The following BNC2 variants were observed in gnomAD, a reference collection of about 807,000 sequenced individuals.
The protein encoded by BNC2 is basonuclin zinc finger protein 2.
Under a neutral mutation model 76.3 loss-of-function variants are expected in BNC2, and 20 were observed. The ratio of observed to expected loss-of-function variants is 0.26; its 90% confidence interval spans 0.18 to 0.38. The LOEUF (loss-of-function observed/expected upper bound fraction) is 0.38. Ranked by LOEUF, BNC2 falls within the 10% of genes least tolerant of loss-of-function variation. The probability of loss-of-function intolerance (pLI) is 1.00; values close to 1 mark genes in which losing one functional copy is unlikely to be tolerated. For missense variants in BNC2, 1,382 were observed against 1,399.8 expected, an observed-to-expected ratio of 0.99 and a Z score of 0.20; for synonymous variants, 582 against 514.8, an observed-to-expected ratio of 1.13 and a Z score of -1.77.
chr9:16,594,931 A>T (rs1820025066), intron 3 of BNC2, among the ~76,000 whole-genome samples: 1 of 152,102 alleles, frequency 6.6e-6, no homozygotes, highest in African/African-American at 2.4e-5. Flanking sequence ...CAAATAGGAG[A>T]TGTGAACAAA....
intron 5 of BNC2, among the ~76,000 whole-genome samples, chr9:16,482,404 C>T (rs1050464220): frequency 6.6e-6 from 1 of 151,756 alleles, no homozygotes; most frequent in Non-Finnish European, 1.5e-5. Context: ...TGTTGGGAAA[C>T]CTTTAAAAAA....
chr9:16,635,950 T>C (rs971740891), intron 3 of BNC2, among the ~76,000 whole-genome samples: 4 of 152,218 alleles, frequency 2.6e-5, no homozygotes, highest in Non-Finnish European at 2.9e-5. Context: ...TAAGGGAATG[T>C]GTAGAACAGG....
In BNC2 at chr9:16,550,956, T is replaced by C. The variant is rs1563835389; in HGVS notation, c.669+1574A>G. 2.0e-5 allele frequency among the ~76,000 whole-genome samples: 3 copies of C among 152,146 alleles called. No homozygotes were observed. The South Asian group carries it at 6.2e-4, about 32-fold the overall frequency. On this transcript the variant is annotated intron_variant, in intron 5 of 6. Transcript: ENST00000380672. Reference sequence around the variant, plus strand: ...AGAAAGACGCAGCACTGTATGCATCTTGGGGCCAGTATAAGCAGGGATTGT... The same window carrying C: ...AGAAAGACGCAGCACTGTATGCATCCTGGGGCCAGTATAAGCAGGGATTGT...
chr9:16,659,470 T>C (rs1822040190), intron 3 of BNC2, among the ~76,000 whole-genome samples: 1 of 152,046 alleles, frequency 6.6e-6, no homozygotes, highest in Admixed American at 6.6e-5. Flanking sequence ...TAGCTGTGTG[T>C]GGTGGTGCAT....
chr9:16,758,529 C>T (rs1489656149), intron 1 of BNC2, among the ~76,000 whole-genome samples: 1 of 152,112 alleles, frequency 6.6e-6, no homozygotes, highest in Non-Finnish European at 1.5e-5. Flanking sequence ...CAGGGTTTCA[C>T]CGTATTGGCC....
At chr9:16,813,236 A>G (rs780064689) in intron 1 of BNC2, among the ~76,000 whole-genome samples, 5 of 151,398 alleles carry the variant, frequency 3.3e-5, no homozygotes, top group Non-Finnish European at 7.4e-5. Context: ...TACCCACAAC[A>G]TTACCATAAC....
At chr9:16,459,095 A>G (rs928534792) in intron 5 of BNC2, among the ~76,000 whole-genome samples, 1 of 152,270 alleles carries the variant, frequency 6.6e-6, no homozygotes, top group African/African-American at 2.4e-5. Context: ...GGGAAAAAAG[A>G]AACAATTATA....
At chr9:16,422,057 T>C (rs1238385407) in intron 6 of BNC2, among the ~76,000 whole-genome samples, 3 of 152,132 alleles carry the variant, frequency 2.0e-5, no homozygotes, top group Admixed American at 2.0e-4. Flanking sequence ...AAATTAACAT[T>C]GAGAAAAGGA....
chr9:16,760,030 G>A (rs1563930468), intron 1 of BNC2, among the ~76,000 whole-genome samples: 1 of 152,158 alleles, frequency 6.6e-6, no homozygotes, highest in Non-Finnish European at 1.5e-5. Flanking sequence ...GCCAGAGACA[G>A]AAACTCTTAC....
intron 4 of BNC2, among the ~76,000 whole-genome samples, chr9:16,562,525 C>T (rs968088071): frequency 3.9e-5 from 6 of 152,144 alleles, no homozygotes; most frequent in Admixed American, 1.3e-4. Context: ...CCTACATAAT[C>T]AAATAATAGC....
At chr9:16,669,242 T>TA (rs1822400158) in intron 3 of BNC2, among the ~76,000 whole-genome samples, 1 of 152,122 alleles carries the variant, frequency 6.6e-6, no homozygotes, top group African/African-American at 2.4e-5. Flanking sequence ...AACCACAAGA[T>TA]AAAAAATTGT....
intron 1 of BNC2, among the ~76,000 whole-genome samples, chr9:16,840,298 C>G (rs539359950): frequency 1.3e-5 from 2 of 152,264 alleles, no homozygotes; most frequent in East Asian, 3.9e-4. Context: ...ATTTTGGCAG[C>G]CACATACGCT....
chr9:16,659,761 CTTTTCTTGGCCACACGA>C (rs1346301600), intron 3 of BNC2, among the ~76,000 whole-genome samples: 3 of 152,146 alleles, frequency 2.0e-5, no homozygotes, highest in African/African-American at 7.2e-5. Context: ...CTCAGCGTTG[CTTTTCTTGGCCACACGA>C]TGTAAAATAA....
intron 5 of BNC2, among the ~76,000 whole-genome samples, chr9:16,467,429 A>G (rs1821717217): frequency 6.8e-6 from 1 of 147,180 alleles, no homozygotes; most frequent in African/African-American, 2.6e-5. Context: ...CTTGGAACCA[A>G]CCCAAATGTC....
chr9:16,741,987 A>C (rs924658689), intron 1 of BNC2, among the ~76,000 whole-genome samples: 1 of 150,620 alleles, frequency 6.6e-6, no homozygotes, highest in African/African-American at 2.4e-5. Flanking sequence ...AAAGACAACA[A>C]CACGTATACC....
At chr9:16,532,471 A>G (rs553923622) in intron 5 of BNC2, among the ~76,000 whole-genome samples, 52 of 152,222 alleles carry the variant, frequency 3.4e-4, no homozygotes, top group Middle Eastern at 6.8e-3. Context: ...TACAATAGAC[A>G]CTGACCACAA....
chr9:16,823,606 A>G (rs911911919), intron 1 of BNC2, among the ~76,000 whole-genome samples: 2 of 151,916 alleles, frequency 1.3e-5, no homozygotes, highest in African/African-American at 4.8e-5. Context: ...CTGTTTCAAA[A>G]AAAAAAAAAA....
intron 3 of BNC2, among the ~76,000 whole-genome samples, chr9:16,630,865 G>C (rs1029030750): frequency 2.0e-5 from 3 of 151,538 alleles, no homozygotes; most frequent in Admixed American, 6.6e-5. Context: ...TCAGCCTCTC[G>C]AGTAGCTGGG....
rs1288066686 is a variant in BNC2, at chr9:16,790,202, T to A, written c.4-51717A>T. On this transcript the variant is annotated intron_variant, in intron 1 of 6. Coordinates refer to ENST00000380672, the MANE Select transcript of BNC2 (RefSeq NM_017637.6). ...TTAGTAGAGACAGGGTTTCACCATG[T>A]TAGCCAGGATGGTCTGGATCTACTG... is the stretch of plus-strand genomic sequence containing the variant. Among the ~76,000 whole-genome samples, 7 of 152,178 alleles carry A rather than the reference T, an allele frequency of 4.6e-5. 1 individual carries two copies. The highest frequency in any genetic ancestry group is 4.6e-4 in the Admixed American group (7 of 15,278).
Sources: allele counts gnomAD v4.1 joint callset (sites outside exome capture counted in the v4.1 genomes callset), GRCh38; gene constraint gnomAD v4.1.1; transcripts MANE v1.5; gene names NCBI Gene and HGNC (gene_info 2026-07-23, HGNC 2026-07-21).